Variants in FGF12 observed in about 807,000 individuals in gnomAD.
The protein encoded by FGF12 is fibroblast growth factor 12B.
FGF12 carries 14 observed loss-of-function variants against 23.6 expected under a neutral mutation model. The ratio of observed to expected loss-of-function variants is 0.59; its 90% CI spans 0.39 to 0.93. FGF12 has a LOEUF of 0.93. FGF12 is among the 40% of genes least tolerant of loss of function. The probability of loss-of-function intolerance (pLI) is 0.00; values close to 1 mark genes in which losing one functional copy is unlikely to be tolerated. For synonymous variants in FGF12, 62 were observed against 77.3 expected, an observed-to-expected ratio of 0.80 and a Z score of 1.04; for missense variants, 175 against 217.8, an observed-to-expected ratio of 0.80 and a Z score of 1.24.
intron 2 of FGF12, among the ~76,000 whole-genome samples, chr3:192,628,396 GT>G (rs138982432): frequency 0.098 from 14,689 of 149,252 alleles, 909 homozygotes; most frequent in Non-Finnish European, 0.15. Flanking sequence ...CTGCCAAATT[GT>G]TTTTTCCAGA....
At chr3:192,496,365 G>A (rs1723957175) in intron 2 of FGF12, among the ~76,000 whole-genome samples, 1 of 151,970 alleles carries the variant, frequency 6.6e-6, no homozygotes, top group South Asian at 2.1e-4. Context: ...TGTTTGACAA[G>A]AGTCTGATGT....
intron 2 of FGF12, among the ~76,000 whole-genome samples, chr3:192,442,809 T>C (rs1254071556): frequency 7.6e-6 from 1 of 131,082 alleles, no homozygotes; most frequent in Non-Finnish European, 1.6e-5. Flanking sequence ...GTATTCTATC[T>C]TTTTTTTTTT....
intron 2 of FGF12, among the ~76,000 whole-genome samples, chr3:192,690,225 C>G (rs1717898899): frequency 2.0e-5 from 3 of 151,916 alleles, no homozygotes; most frequent in African/African-American, 7.2e-5. Flanking sequence ...ATAAAACTCA[C>G]TGAAAATGTA....
At chr3:192,436,050 C>T (rs1199459705) in intron 2 of FGF12, among the ~76,000 whole-genome samples, 1 of 152,168 alleles carries the variant, frequency 6.6e-6, no homozygotes, top group Non-Finnish European at 1.5e-5. Flanking sequence ...TTCTCCTCGT[C>T]TTTATTGAAC....
At chr3:192,374,440 C>T (rs187790750) in intron 2 of FGF12, among the ~76,000 whole-genome samples, 46 of 152,134 alleles carry the variant, frequency 3.0e-4, no homozygotes, top group East Asian at 1.2e-3. Flanking sequence ...AATTTTTATT[C>T]GTAATTTTAA....
chr3:192,332,017 A>G (rs1404278567), intron 4 of FGF12, among the ~76,000 whole-genome samples: 2 of 152,154 alleles, frequency 1.3e-5, no homozygotes, highest in Non-Finnish European at 2.9e-5. Flanking sequence ...AGTTTAGAAG[A>G]AAAGTGAAAT....
At chr3:192,443,245 T>G (rs1722256711) in intron 2 of FGF12, among the ~76,000 whole-genome samples, 1 of 152,230 alleles carries the variant, frequency 6.6e-6, no homozygotes, top group Admixed American at 6.5e-5. Context: ...GGAAAATACG[T>G]AAACATCATA....
At chr3:192,479,491 A>AT (rs1723419842) in intron 2 of FGF12, among the ~76,000 whole-genome samples, 1 of 151,950 alleles carries the variant, frequency 6.6e-6, no homozygotes, top group African/African-American at 2.4e-5. Flanking sequence ...AGCATTATCT[A>AT]TTTTCTCTTT....
chr3:192,422,366 A>G (rs1289953827), intron 2 of FGF12, among the ~76,000 whole-genome samples: 2 of 152,148 alleles, frequency 1.3e-5, no homozygotes, highest in East Asian at 3.8e-4. Context: ...CTCTAAATAT[A>G]GTGCTCACCG....
chr3:192,331,646 C>T (rs1194362319), intron 4 of FGF12, among the ~76,000 whole-genome samples: 2 of 151,958 alleles, frequency 1.3e-5, no homozygotes, highest in East Asian at 3.9e-4. Context: ...AAGTAGTCAA[C>T]CTCTTTGTAA....
At chr3:192,722,927 T>C (rs1260902039) in intron 2 of FGF12, among the ~76,000 whole-genome samples, 1 of 152,124 alleles carries the variant, frequency 6.6e-6, no homozygotes, top group African/African-American at 2.4e-5. Context: ...AAATATTTGT[T>C]TAAATAAAAA....
intron 2 of FGF12, among the ~76,000 whole-genome samples, chr3:192,567,405 C>T (rs1229968907): frequency 6.6e-6 from 1 of 151,816 alleles, no homozygotes; most frequent in African/African-American, 2.4e-5. Flanking sequence ...TTTTAAGTAA[C>T]AAAGGCTAAA....
intron 3 of FGF12, among the ~76,000 whole-genome samples, chr3:192,349,655 C>T (rs992154103): frequency 6.6e-5 from 10 of 152,018 alleles, no homozygotes; most frequent in Non-Finnish European, 1.5e-4. Flanking sequence ...TCTTCTTTTA[C>T]TATTATTGCT....
intron 2 of FGF12, among the ~76,000 whole-genome samples, chr3:192,565,975 AC>A (rs1243423395): frequency 6.6e-6 from 1 of 152,070 alleles, no homozygotes; most frequent in Admixed American, 6.6e-5. Flanking sequence ...AAACCCAGCT[AC>A]TCGGGAGGCT....
chr3:192,484,679 C>A (rs191658214), intron 2 of FGF12, among the ~76,000 whole-genome samples: 2 of 152,092 alleles, frequency 1.3e-5, no homozygotes, highest in African/African-American at 4.8e-5. Context: ...TAAAGGTGGG[C>A]GGACCTTATG....
At chr3:192,561,826 C>A (rs1712049886) in intron 2 of FGF12, among the ~76,000 whole-genome samples, 2 of 151,380 alleles carry the variant, frequency 1.3e-5, no homozygotes, top group African/African-American at 4.9e-5. Flanking sequence ...TAAACAAGAG[C>A]TTACACTATG....
intron 2 of FGF12, among the ~76,000 whole-genome samples, chr3:192,462,962 G>C (rs908966760): frequency 6.6e-6 from 1 of 152,160 alleles, no homozygotes; most frequent in Non-Finnish European, 1.5e-5. Flanking sequence ...AAGAGTTTGT[G>C]GGGATATGAA....
chr3:192,572,133 T>A (rs1287277662), intron 2 of FGF12, among the ~76,000 whole-genome samples: 1 of 152,180 alleles, frequency 6.6e-6, no homozygotes, highest in East Asian at 1.9e-4. Flanking sequence ...GGATGGAAGC[T>A]TTTAATAAAC....
At chr3:192,463,205 G>C (rs76015535) in intron 2 of FGF12, among the ~76,000 whole-genome samples, 1 of 152,068 alleles carries the variant, frequency 6.6e-6, no homozygotes, top group Non-Finnish European at 1.5e-5. Context: ...GATCACTTGA[G>C]GCCAGAAGTT....
Sources: allele counts gnomAD v4.1 joint callset (sites outside exome capture counted in the v4.1 genomes callset), GRCh38; gene constraint gnomAD v4.1.1; transcripts MANE v1.5; gene names NCBI Gene and HGNC (gene_info 2026-07-23, HGNC 2026-07-21).